The following LRBA variants were observed in gnomAD, a reference collection of about 807,000 sequenced individuals.
LRBA encodes the protein LPS responsive beige-like anchor protein, also known as lipopolysaccharide-responsive and beige-like anchor protein.
A neutral mutation model predicts 330.0 loss-of-function variants in LRBA; 176 were observed. The ratio of observed to expected loss-of-function variants is 0.53; its 90% CI spans 0.47 to 0.60. The LOEUF is 0.60. Among genes scored for constraint, LRBA ranks in the 20% least tolerant of loss-of-function variants. The pLI, the probability that LRBA is intolerant of heterozygous loss-of-function variation, is 0.00. For synonymous variants in LRBA, 1,230 were observed against 1,193.0 expected (o/e 1.03, Z -0.64); for missense variants, 3,259 against 3,444.8 (o/e 0.95, Z 1.35).
At chr4:150,845,283 T>A (rs1320038193) in intron 26 of LRBA, among the ~76,000 whole-genome samples, 1 of 152,196 alleles carries the variant, frequency 6.6e-6, no homozygotes, top group East Asian at 1.9e-4. Context: ...TACAGCATGA[T>A]ATTAATTGAG....
intron 49 of LRBA, among the ~76,000 whole-genome samples, chr4:150,323,157 G>C (rs1732784576): frequency 6.6e-6 from 1 of 151,970 alleles, no homozygotes; most frequent in African/African-American, 2.4e-5. Flanking sequence ...TAGTTTTTAA[G>C]GAATTCTGTG....
rs530083766 is a variant in LRBA, at chr4:150,895,151, C to T, written c.2067+1243G>A. Among the ~76,000 whole-genome samples the T allele has an allele frequency of 8.6e-5, 13 of 151,810 alleles. 1 individual carries two copies. Among genetic ancestry groups the T allele is most frequent in the South Asian group, 6.3e-4 (3 of 4,798 alleles). On this transcript the variant is annotated intron_variant, in intron 16 of 56. Coordinates refer to ENST00000651943, the MANE Select transcript of LRBA (RefSeq NM_001364905.1). ...TGTGATGTATTATATTCCATCAATT[C>T]CTAAGTTTTACTAATTATAGGTAAA...
At chr4:150,733,834 C>T (rs978236083) in intron 36 of LRBA, among the ~76,000 whole-genome samples, 4 of 152,046 alleles carry the variant, frequency 2.6e-5, no homozygotes, top group African/African-American at 2.4e-5. Flanking sequence ...TATCTCATAC[C>T]TAATAACCTC....
rs547478655 is a variant in LRBA at position 150,835,937 on chromosome 4, T to C, written c.4570-3961A>G. ...ATTCAGTATGATATTGGCTGTGAGT[T>C]TGTCATAAATAGCTCTTATTATTTT... On this transcript the variant is annotated intron_variant, in intron 28 of 56. Coordinates refer to ENST00000651943, the MANE Select transcript of LRBA (RefSeq NM_001364905.1). Among the ~76,000 whole-genome samples, 10 of 152,294 alleles carry C rather than the reference T, an allele frequency of 6.6e-5. 1 individual carries two copies. In the South Asian group the frequency reaches 1.2e-3, roughly 19 times the overall value.
At position 150,350,162 on chromosome 4, in the gene LRBA, G is replaced by GA. The variant is rs1230142516; in HGVS notation, c.7195-4dup. 1 of 1,548,542 alleles carries GA rather than the reference G, an allele frequency of 6.5e-7. No individual in the cohort carries two copies. Among genetic ancestry groups the GA allele is most frequent in the African/African-American group, 1.4e-5 (1 of 70,786 alleles). ...GAAACAAATTCACTCTCCAGGGCCT[G>GA]AAAAAAGGTATACATTGTATTACTA... On this transcript the variant is annotated splice_polypyrimidine_tract_variant and splice_region_variant and intron_variant, in intron 47 of 56. Transcript: ENST00000651943.
chr4:150,573,234 G>T (rs1170507899), intron 40 of LRBA, among the ~76,000 whole-genome samples: 1 of 152,156 alleles, frequency 6.6e-6, no homozygotes, highest in East Asian at 1.9e-4. Flanking sequence ...GCCAACAAGG[G>T]TGTTATCAGT....
intron 36 of LRBA, among the ~76,000 whole-genome samples, chr4:150,724,122 G>A (rs1375734417): frequency 1.3e-5 from 2 of 152,196 alleles, no homozygotes; most frequent in African/African-American, 4.8e-5. Flanking sequence ...CCCGGAGCCT[G>A]TGGGAACTCA....
In LRBA at chr4:150,851,932, C is replaced by G. The variant is rs760181008; in HGVS notation, c.3778G>C (p.Ala1260Pro). ...TGAGGTGCTTCCACGTTGGGACTGG[C>G]CTTCAACTCCAGCCTCTCAGTATCT... ...ATDTERLELK[A>P]SPNVEAPQPH... is the part of the protein sequence containing the mutation. The change falls in exon 23 of 57, where the codon GCC becomes CCC. Residue 1260 changes from alanine to proline, a missense_variant. Transcript: ENST00000651943. 7.4e-6 allele frequency: 12 copies of G among 1,614,000 alleles called. No homozygotes were observed. The East Asian group carries it at 2.5e-4, about 33-fold the overall frequency.
At chr4:150,724,385 G>A (rs1729375802) in intron 36 of LRBA, among the ~76,000 whole-genome samples, 1 of 152,162 alleles carries the variant, frequency 6.6e-6, no homozygotes, top group African/African-American at 2.4e-5. Flanking sequence ...CTACGAGTCA[G>A]CAAAAAACAC....
At chr4:150,694,826 C>T (rs111591391) in intron 36 of LRBA, among the ~76,000 whole-genome samples, 59 of 152,104 alleles carry the variant, frequency 3.9e-4, no homozygotes, top group African/African-American at 1.3e-3. Context: ...AGTCCTCAGA[C>T]AATATTTTTA....
intron 34 of LRBA, among the ~76,000 whole-genome samples, chr4:150,779,304 T>C (rs979099703): frequency 2.6e-5 from 4 of 152,080 alleles, no homozygotes; most frequent in African/African-American, 9.7e-5. Flanking sequence ...TGTGTTTCTT[T>C]TTAAATGTTT....
At chr4:150,508,129 T>C (rs1344568603) in intron 40 of LRBA, among the ~76,000 whole-genome samples, 2 of 144,532 alleles carry the variant, frequency 1.4e-5, no homozygotes, top group Non-Finnish European at 3.0e-5. Flanking sequence ...TAATGCTAAA[T>C]GACGAGTTAA....
chr4:150,486,901 C>T (rs920831717), intron 42 of LRBA, among the ~76,000 whole-genome samples: 2 of 151,746 alleles, frequency 1.3e-5, no homozygotes, highest in Non-Finnish European at 2.9e-5. Context: ...TGCCTTTCTG[C>T]GTCTTTCTTA....
chr4:150,914,106 G>A, intron 9 of LRBA, 89 bp downstream of exon 9: 1 of 761,884 alleles, frequency 1.3e-6, no homozygotes, highest in Non-Finnish European at 1.8e-6. Context: ...TTTTTTTTTT[G>A]TATCCATTAA....
chr4:150,547,859 T>C (rs979048632), intron 40 of LRBA, among the ~76,000 whole-genome samples: 4 of 152,174 alleles, frequency 2.6e-5, no homozygotes, highest in African/African-American at 9.7e-5. Context: ...ATAGCAAAAC[T>C]GAAATTAAAA....
chr4:150,825,225 A>T (rs945990700), intron 30 of LRBA, among the ~76,000 whole-genome samples: 7 of 152,256 alleles, frequency 4.6e-5, no homozygotes, highest in Non-Finnish European at 8.8e-5. Context: ...GCATAACTGT[A>T]TAAAATTAAC....
intron 40 of LRBA, among the ~76,000 whole-genome samples, chr4:150,495,609 G>C (rs545797037): frequency 6.6e-6 from 1 of 152,268 alleles, no homozygotes; most frequent in South Asian, 2.1e-4. Flanking sequence ...AAAGGTGTCA[G>C]TACTGAAAAG....
At chr4:150,802,803 G>A (rs1305566786) in intron 33 of LRBA, among the ~76,000 whole-genome samples, 1 of 151,852 alleles carries the variant, frequency 6.6e-6, no homozygotes, top group African/African-American at 2.4e-5. Flanking sequence ...CCGGAGGACT[G>A]CTCGGGGTCA....
Position 151,014,631 on chromosome 4 carries a change from T to C in LRBA, c.12A>G (p.Glu4=). 5 of 1,600,100 alleles carry C rather than the reference T, an allele frequency of 3.1e-6. No homozygotes were observed. The highest frequency in any genetic ancestry group is 4.3e-6 in the Non-Finnish European group (5 of 1,172,228). Residue 4 remains glutamate, a synonymous_variant, in exon 2 of 57, where the codon GAA becomes GAG. Coordinates refer to ENST00000651943, the MANE Select transcript of LRBA (RefSeq NM_001364905.1). The part of the protein sequence containing the change: MAS[E]DNRVPSPPPT... ...GTGGCGGGGAAGGGACACGATTGTC[T>C]TCGCTAGCCATTGCTAGCTCACGAT...
Sources: gnomAD v4.1 joint callset for allele counts (sites outside exome capture counted in the v4.1 genomes callset) on GRCh38, gnomAD v4.1.1 for gene constraint, MANE v1.5 for transcripts, NCBI Gene and HGNC (gene_info 2026-07-23, HGNC 2026-07-21) for gene names.